The following REPS1 variants were observed in gnomAD, a reference collection of about 807,000 sequenced individuals.
REPS1 encodes the protein ralBP1-associated Eps domain-containing protein 1.
Under a neutral mutation model 100.9 loss-of-function variants are expected in REPS1, and 39 were observed. The observed-to-expected ratio is 0.39, with a 90% CI of 0.30 to 0.50. The LOEUF (loss-of-function observed/expected upper bound fraction) is 0.50, where lower values mean the gene tolerates loss of function less well. REPS1 is among the 20% of genes least tolerant of loss of function. The pLI, the probability that REPS1 is intolerant of heterozygous loss-of-function variation, is 0.86. For missense variants in REPS1, 821 were observed against 968.5 expected (o/e 0.85, Z 2.02); for synonymous variants, 324 against 340.3 (o/e 0.95, Z 0.53).
rs1380810256 is a variant in REPS1, at chr6:138,947,856, T to A, written c.211A>T (p.Ile71Phe). The change falls in exon 2 of 20, where the codon ATT becomes TTT. Residue 71 changes from isoleucine to phenylalanine, a missense_variant. Around this residue, in one of 3 missense-constraint regions of REPS1, gnomAD observed 28 missense variants for 65.3 expected, o/e 0.43. Coordinates refer to ENST00000450536, the MANE Select transcript of REPS1 (RefSeq NM_001286611.2). Reference protein sequence around the residue: ...LGYFGRSQFYIALKLVAVAQS... With the variant: ...LGYFGRSQFYFALKLVAVAQS... ...GCAACAGCTACAAGTTTCAAAGCAA[T>A]GTAGAACTGACTTCTTCCAAAATAA... The A allele has an allele frequency of 6.2e-7, 1 of 1,610,892 alleles. No homozygotes were observed. Among genetic ancestry groups the A allele is most frequent in the Admixed American group, 1.7e-5 (1 of 59,416 alleles).
intron 8 of REPS1, among the ~76,000 whole-genome samples, chr6:138,938,852 T>G (rs1447533578): frequency 1.5e-4 from 6 of 41,222 alleles, no homozygotes; most frequent in Non-Finnish European, 6.1e-5. Context: ...TTTTTATAAT[T>G]TTTTTTTTTT....
At chr6:138,953,025 T>C (rs1273359675) in intron 1 of REPS1, among the ~76,000 whole-genome samples, 3 of 151,754 alleles carry the variant, frequency 2.0e-5, no homozygotes, top group African/African-American at 7.3e-5. Flanking sequence ...TTAGTAGAAA[T>C]GGGGTTTCTC....
chr6:138,952,873 T>C (rs1783130072), intron 1 of REPS1, among the ~76,000 whole-genome samples: 1 of 151,580 alleles, frequency 6.6e-6, no homozygotes, highest in South Asian at 2.1e-4. Flanking sequence ...AAAAAACTCT[T>C]GTCACCCAGG....
At chr6:138,931,820 C>T (rs1489750767) in intron 8 of REPS1, among the ~76,000 whole-genome samples, 2 of 151,950 alleles carry the variant, frequency 1.3e-5, no homozygotes, top group South Asian at 2.1e-4. Flanking sequence ...GAAAGGGAAA[C>T]AGTAGCTATA....
chr6:138,949,722 T>A (rs1782879060), intron 1 of REPS1, among the ~76,000 whole-genome samples: 1 of 67,270 alleles, frequency 1.5e-5, no homozygotes, highest in African/African-American at 7.1e-5. Context: ...TGAAACTCCA[T>A]CTCATAAAAA....
chr6:138,915,879 GA>G lies in REPS1; in HGVS notation c.1698del (p.Arg567GlyfsTer45). ...CTACCTGTGGTGACTGTAAAGGTCC[GA>G]TTCATATCTAAAGATGATGATCTAG... is the stretch of plus-strand genomic sequence containing the variant. ...SHSRSSSLDM[N>X]RTFTVTTGQQ... On this transcript the variant is annotated frameshift_variant, in exon 14 of 20. Transcript: ENST00000450536. 6.2e-7 allele frequency: 1 copy of G among 1,611,648 alleles called. No homozygotes were observed. Among genetic ancestry groups the G allele is most frequent in the Non-Finnish European group, 8.5e-7 (1 of 1,177,782 alleles).
intron 1 of REPS1, among the ~76,000 whole-genome samples, chr6:138,981,119 A>G (rs935267009): frequency 8.5e-5 from 13 of 152,214 alleles, no homozygotes; most frequent in African/African-American, 2.9e-4. Flanking sequence ...CTGTGGAACT[A>G]TGTTTTCTAA....
In REPS1 at chr6:138,908,734, A is replaced by G; in HGVS notation, c.2150T>C (p.Val717Ala). 1.2e-6 allele frequency: 2 copies of G among 1,614,154 alleles called. No individual in the cohort carries two copies. Among genetic ancestry groups the G allele is most frequent in the African/African-American group, 1.3e-5 (1 of 75,034 alleles). The change falls in exon 18 of 20, where the codon GTT becomes GCT. Residue 717 changes from valine (V) to alanine (A), a missense_variant. Physicochemically the swap from Val to Ala is moderately conservative, Grantham distance 64. Around this residue, in one of 3 missense-constraint regions of REPS1, gnomAD observed 757 missense variants for 866.4 expected, o/e 0.87. Transcript: ENST00000450536. ...ACCCGTCTTTTGTGTATGTTCATCA[A>G]CTTCTGGCCTTAATTCATCTTCTGA... is the stretch of plus-strand genomic sequence containing the variant. ...LKSEDELRPE[V>A]DEHTQKTGVL...
At chr6:138,914,608 G>A in intron 15 of REPS1, 89 bp downstream of exon 15, 2 of 1,043,710 alleles carry the variant, frequency 1.9e-6, no homozygotes, top group Non-Finnish European at 3.0e-6. Context: ...GATCATTCCT[G>A]ACCTTCCAAA....
chr6:138,944,634 A>C lies in REPS1; in HGVS notation c.629-12T>G. 1 of 1,607,768 alleles carries C rather than the reference A, an allele frequency of 6.2e-7. No individual in the cohort carries two copies. Among genetic ancestry groups the C allele is most frequent in the Non-Finnish European group, 8.5e-7 (1 of 1,177,874 alleles). On this transcript the variant is annotated splice_polypyrimidine_tract_variant and intron_variant, in intron 4 of 19. Transcript: ENST00000450536. ...ACCAGCAGAAGAACCTATAAGGAGA[A>C]TGGGTAAACATGCTGACTCATGTTT...
In REPS1 at chr6:138,913,146, A is replaced by C. The variant is rs368007482; in HGVS notation, c.1786-196T>G. On this transcript the variant is annotated intron_variant, in intron 15 of 19. Coordinates refer to ENST00000450536, the MANE Select transcript of REPS1 (RefSeq NM_001286611.2). ...ATAAGTGAAAAGCTAAGACACTAAAAAAAAAATTAAGATGATAAACCTCCA... is the reference window on the plus strand; with the variant it reads ...ATAAGTGAAAAGCTAAGACACTAAACAAAAAATTAAGATGATAAACCTCCA... Among the ~76,000 whole-genome samples, 3 of 152,312 alleles carry C rather than the reference A, an allele frequency of 2.0e-5. 1 individual carries two copies.
chr6:138,926,594 G>T, intron 9 of REPS1, 113 bp from the exon 10 acceptor site: 1 of 688,962 alleles, frequency 1.5e-6, no homozygotes, highest in Non-Finnish European at 2.6e-6. Context: ...GTGTTTCATA[G>T]GTTTAACAAA....
At chr6:138,965,807 T>C (rs1383244341) in intron 1 of REPS1, among the ~76,000 whole-genome samples, 2 of 152,216 alleles carry the variant, frequency 1.3e-5, no homozygotes, top group African/African-American at 4.8e-5. Context: ...TAAGGAGTAG[T>C]ATTTTTCAAG....
At chr6:138,923,010 C>T (rs1033435061) in intron 10 of REPS1, among the ~76,000 whole-genome samples, 24 of 152,132 alleles carry the variant, frequency 1.6e-4, no homozygotes, top group African/African-American at 4.8e-4. Flanking sequence ...ATTTCTTGCC[C>T]CTACACCACA....
At chr6:138,923,438 C>T (rs926063219) in intron 10 of REPS1, among the ~76,000 whole-genome samples, 11 of 152,242 alleles carry the variant, frequency 7.2e-5, no homozygotes, top group South Asian at 2.1e-4. Flanking sequence ...AATCTATATT[C>T]GACGTATGTG....
At chr6:138,983,794 C>A (rs950704759) in intron 1 of REPS1, among the ~76,000 whole-genome samples, 14 of 152,124 alleles carry the variant, frequency 9.2e-5, no homozygotes, top group Non-Finnish European at 1.9e-4. Flanking sequence ...AGGAAGAAAT[C>A]CCGAACCTCT....
chr6:138,920,397 C>A, intron 11 of REPS1, 81 bp from the exon 12 acceptor site: 2 of 585,392 alleles, frequency 3.4e-6, no homozygotes, highest in Non-Finnish European at 5.9e-6. Flanking sequence ...TGTAAGACTT[C>A]ATTTAAATAT....
chr6:138,945,296 T>A lies in REPS1; in HGVS notation c.551A>T (p.His184Leu). 1 of 1,612,118 alleles carries A rather than the reference T, an allele frequency of 6.2e-7. No homozygotes were observed. The highest frequency in any genetic ancestry group is 8.5e-7 in the Non-Finnish European group (1 of 1,179,576). ...SPHTWRKHSR[H>L]PSGGNSERPL... ...CCTCTCACTATTCCCACCGCTGGGA[T>A]GACGGCTGTGCTTCCTCCATGTGTG... Residue 184 changes from histidine (H) to leucine (L), a missense_variant, in exon 4 of 20, where the codon CAT (histidine) becomes CTT (leucine). Physicochemically the swap from His to Leu is moderately conservative, Grantham distance 99. Coordinates refer to ENST00000450536, the MANE Select transcript of REPS1 (RefSeq NM_001286611.2).
intron 16 of REPS1, 139 bp downstream of exon 16, chr6:138,912,626 G>A (rs1204397188): frequency 8.9e-6 from 7 of 787,930 alleles, no homozygotes; most frequent in Non-Finnish European, 1.3e-5. Context: ...AGATATTGGA[G>A]GCCAATAAAA....
Sources: gnomAD v4.1 joint callset for allele counts (sites outside exome capture counted in the v4.1 genomes callset) on GRCh38, gnomAD v4.1.1 for gene constraint, gnomAD v4.1.1 regional missense constraint, MANE v1.5 for transcripts, NCBI Gene and HGNC (gene_info 2026-07-23, HGNC 2026-07-21) for gene names.